Variants in NALF1 observed in about 807,000 individuals in gnomAD.
NALF1 encodes the protein NALCN channel auxiliary factor 1, also known as family with sequence similarity 155 member A.
A neutral mutation model predicts 48.4 loss-of-function variants in NALF1; 3 were observed. The observed-to-expected ratio is 0.06, with a 90% CI of 0.03 to 0.16. The LOEUF is 0.16. NALF1 is among the 10% of genes least tolerant of loss of function. NALF1 has a pLI of 1.00. For synonymous variants in NALF1, 262 were observed against 245.7 expected (o/e 1.07, Z -0.62); for missense variants, 526 against 571.5 (o/e 0.92, Z 0.81).
chr13:107,465,056 T>C (rs976087279), intron 1 of NALF1, among the ~76,000 whole-genome samples: 1 of 152,154 alleles, frequency 6.6e-6, no homozygotes, highest in East Asian at 1.9e-4. Flanking sequence ...TACATTTTGG[T>C]ATATAAACTT....
intron 1 of NALF1, among the ~76,000 whole-genome samples, chr13:107,272,602 T>G (rs2138865343): frequency 6.6e-6 from 1 of 152,372 alleles, no homozygotes. Context: ...TAAAATTCTG[T>G]TCATTTCATA....
At chr13:107,685,809 A>G (rs1881418603) in intron 1 of NALF1, among the ~76,000 whole-genome samples, 1 of 152,206 alleles carries the variant, frequency 6.6e-6, no homozygotes, top group African/African-American at 2.4e-5. Flanking sequence ...AAATGATTAA[A>G]TTCCCCTGTG....
chr13:107,416,079 T>C (rs551995848), intron 1 of NALF1, among the ~76,000 whole-genome samples: 1 of 152,046 alleles, frequency 6.6e-6, no homozygotes, highest in African/African-American at 2.4e-5. Context: ...CAATCTCTGC[T>C]CACTGCAAGC....
chr13:107,366,955 T>C (rs1883162355), intron 1 of NALF1, among the ~76,000 whole-genome samples: 1 of 152,186 alleles, frequency 6.6e-6, no homozygotes, highest in Non-Finnish European at 1.5e-5. Context: ...AACTTTCTTA[T>C]GTGGGAAATG....
chr13:107,665,464 T>C lies in NALF1; in HGVS notation c.915+200218A>G, dbSNP rs564275890. Among the ~76,000 whole-genome samples, 77 of 152,276 alleles carry C rather than the reference T, an allele frequency of 5.1e-4. 1 individual carries two copies. The highest frequency in any genetic ancestry group is 1.8e-3 in the African/African-American group (75 of 41,580). On this transcript the variant is annotated intron_variant, in intron 1 of 2. Transcript: ENST00000375915. ...AAGTATTGTACCTAACCAGTTTCCA[T>C]ATTAGCTTTTGCTACAATGAAGCTT...
chr13:107,609,632 G>A (rs9520508), intron 1 of NALF1, among the ~76,000 whole-genome samples: 20,893 of 152,084 alleles, frequency 0.14, 1,643 homozygotes, highest in Middle Eastern at 0.23. Flanking sequence ...GCAAGTGACA[G>A]ACGTGTTGTT....
At chr13:107,240,643 T>C (rs1880447926) in intron 1 of NALF1, among the ~76,000 whole-genome samples, 1 of 152,202 alleles carries the variant, frequency 6.6e-6, no homozygotes, top group Non-Finnish European at 1.5e-5. Context: ...AGAACCAACC[T>C]GATCTAAGGT....
intron 1 of NALF1, among the ~76,000 whole-genome samples, chr13:107,430,662 G>C (rs1483218443): frequency 1.3e-5 from 2 of 152,070 alleles, no homozygotes; most frequent in African/African-American, 2.4e-5. Flanking sequence ...GTATTCCATG[G>C]TGTATATGTG....
intron 1 of NALF1, among the ~76,000 whole-genome samples, chr13:107,545,163 G>T (rs547518288): frequency 5.7e-4 from 87 of 152,312 alleles, no homozygotes; most frequent in Non-Finnish European, 9.3e-4. Flanking sequence ...CCCATATAAA[G>T]AGCATTCACA....
At chr13:107,641,285 G>A (rs939819696) in intron 1 of NALF1, among the ~76,000 whole-genome samples, 10 of 152,266 alleles carry the variant, frequency 6.6e-5, no homozygotes, top group African/African-American at 2.2e-4. Context: ...AAGACAAATC[G>A]TTAATGGGTA....
At chr13:107,227,496 T>C (rs1880130770) in intron 1 of NALF1, among the ~76,000 whole-genome samples, 1 of 152,248 alleles carries the variant, frequency 6.6e-6, no homozygotes, top group Admixed American at 6.5e-5. Flanking sequence ...AACTTTCTGA[T>C]CAAATATTCT....
Position 107,527,056 on chromosome 13 carries a change from T to C in NALF1, c.916-316301A>G, listed in dbSNP as rs570714990. The stretch of plus-strand genomic sequence containing the variant: ...TTCATATAAGCCCCAATGTTTGCAA[T>C]GTGTCTTTCAGAGTTTTCTAATTAA... On this transcript the variant is annotated intron_variant, in intron 1 of 2. Coordinates refer to ENST00000375915, the MANE Select transcript of NALF1 (RefSeq NM_001080396.3). 8.5e-5 allele frequency among the ~76,000 whole-genome samples: 13 copies of C among 152,254 alleles called. No homozygotes were observed. In the South Asian group the frequency reaches 2.3e-3, roughly 27 times the overall value.
chr13:107,565,322 C>T (rs1213582107), intron 1 of NALF1, among the ~76,000 whole-genome samples: 2 of 149,600 alleles, frequency 1.3e-5, no homozygotes, highest in African/African-American at 2.5e-5. Context: ...GAAGTCAAGG[C>T]TCCAGTGAGC....
intron 1 of NALF1, among the ~76,000 whole-genome samples, chr13:107,331,755 T>A (rs1234909842): frequency 6.6e-6 from 1 of 152,084 alleles, no homozygotes; most frequent in East Asian, 1.9e-4. Flanking sequence ...TTCTTTCAAA[T>A]AAATTAGAGA....
At chr13:107,312,118 C>T (rs552801495) in intron 1 of NALF1, among the ~76,000 whole-genome samples, 1 of 152,252 alleles carries the variant, frequency 6.6e-6, no homozygotes, top group East Asian at 1.9e-4. Flanking sequence ...AAGACACATG[C>T]ACACGTATGT....
At chr13:107,666,339 G>C (rs183645986) in intron 1 of NALF1, among the ~76,000 whole-genome samples, 2 of 152,034 alleles carry the variant, frequency 1.3e-5, no homozygotes, top group Admixed American at 1.3e-4. Flanking sequence ...GCCACCTCTC[G>C]GTAGCCATTG....
At chr13:107,369,047 T>C (rs1883202687) in intron 1 of NALF1, among the ~76,000 whole-genome samples, 1 of 151,856 alleles carries the variant, frequency 6.6e-6, no homozygotes, top group East Asian at 1.9e-4. Flanking sequence ...TTCTGCTCAT[T>C]GTGTGTCAAA....
intron 1 of NALF1, among the ~76,000 whole-genome samples, chr13:107,784,731 T>C (rs1297689727): frequency 6.6e-6 from 1 of 151,708 alleles, no homozygotes; most frequent in African/African-American, 2.4e-5. Context: ...ATGGCCATAA[T>C]CAAAAAATCA....
intron 1 of NALF1, among the ~76,000 whole-genome samples, chr13:107,460,570 A>T (rs761739625): frequency 6.6e-6 from 1 of 152,204 alleles, no homozygotes; most frequent in Non-Finnish European, 1.5e-5. Flanking sequence ...GGTTAAGAAA[A>T]GCATTGATAT....
Sources: gnomAD v4.1 joint callset for allele counts (sites outside exome capture counted in the v4.1 genomes callset) on GRCh38, gnomAD v4.1.1 for gene constraint, MANE v1.5 for transcripts, NCBI Gene and HGNC (gene_info 2026-07-23, HGNC 2026-07-21) for gene names.